Variants in PRKN observed in about 807,000 individuals in gnomAD.
PRKN encodes the protein parkin RBR E3 ubiquitin protein ligase.
PRKN carries 56 observed loss-of-function variants against 59.5 expected under a neutral mutation model. That is an observed-to-expected ratio of 0.94 (90% confidence interval 0.76 to 1.18). The LOEUF is 1.18. Ranked by LOEUF, PRKN falls within the 50% of genes most tolerant of loss-of-function variation. PRKN has a pLI of 0.00. For missense variants in PRKN, 657 were observed against 596.4 expected, an observed-to-expected ratio of 1.10 and a Z score of -1.06; for synonymous variants, 250 against 222.1, an observed-to-expected ratio of 1.13 and a Z score of -1.12.
rs1279224838 is a variant in PRKN at position 161,581,573 on chromosome 6, C to T, written c.872-12157G>A. 7.9e-5 allele frequency among the ~76,000 whole-genome samples: 12 copies of T among 152,126 alleles called. No homozygotes were observed. The highest frequency in any genetic ancestry group is 7.9e-4 in the Admixed American group (12 of 15,282). On this transcript the variant is annotated intron_variant, in intron 7 of 11. Transcript: ENST00000366898. The surrounding 1 kb of genome is among the most constrained non-coding windows in gnomAD (Gnocchi z 4.5). The stretch of plus-strand genomic sequence containing the variant: ...TCTGAGGTTTGAGTCACTGGACAAT[C>T]AGAAGCAAAGACTTACTTATGGACA...
intron 4 of PRKN, among the ~76,000 whole-genome samples, chr6:162,094,218 G>A (rs1213833796): frequency 2.6e-5 from 4 of 152,164 alleles, no homozygotes; most frequent in African/African-American, 9.7e-5. Flanking sequence ...GGCTGGGTGT[G>A]GTGGTTCATG....
Position 161,414,726 on chromosome 6 carries a change from A to G in PRKN, c.1084-27849T>C, listed in dbSNP as rs1017408812. 6.6e-6 allele frequency among the ~76,000 whole-genome samples: 1 copy of G among 152,208 alleles called. No homozygotes were observed. Among genetic ancestry groups the G allele is most frequent in the Admixed American group, 6.5e-5 (1 of 15,292 alleles). On this transcript the variant is annotated intron_variant, in intron 9 of 11. Coordinates refer to ENST00000366898, the MANE Select transcript of PRKN (RefSeq NM_004562.3). This position sits in a 1 kb window ranked among gnomAD's most constrained non-coding sequence, Gnocchi z 5.3. ...TTTTCCTGATGAAGCCCCAAAGTGC[A>G]AAAGGCATGAAAGGCACATTATGCT... is the stretch of plus-strand genomic sequence containing the variant.
chr6:161,758,455 C>G (rs902089856), intron 7 of PRKN, among the ~76,000 whole-genome samples: 2 of 151,968 alleles, frequency 1.3e-5, no homozygotes, highest in African/African-American at 2.4e-5. Context: ...TTTGCTGTAT[C>G]AAAGAAATCC....
chr6:161,719,459 T>C (rs2128184820), intron 7 of PRKN, among the ~76,000 whole-genome samples: 1 of 152,284 alleles, frequency 6.6e-6, no homozygotes, highest in East Asian at 1.9e-4. Flanking sequence ...ACAACACCTT[T>C]GTACCACAAA....
intron 2 of PRKN, among the ~76,000 whole-genome samples, chr6:162,296,930 T>G (rs1433996695): frequency 6.6e-6 from 1 of 152,008 alleles, no homozygotes; most frequent in Non-Finnish European, 1.5e-5. Context: ...GAATAAAATC[T>G]GAAAAATAAA....
At position 161,550,496 on chromosome 6, in the gene PRKN, T is replaced by G. The variant is rs555856662; in HGVS notation, c.934-1493A>C. The stretch of plus-strand genomic sequence containing the variant: ...TAAGCTAGGAGCTTATGTCAACATC[T>G]ATGCAAAAGATGGCACTGGCTTGAA... On this transcript the variant is annotated intron_variant, in intron 8 of 11. Coordinates refer to ENST00000366898, the MANE Select transcript of PRKN (RefSeq NM_004562.3). The surrounding 1 kb of genome is among the most constrained non-coding windows in gnomAD (Gnocchi z 4.0). 6.6e-6 allele frequency among the ~76,000 whole-genome samples: 1 copy of G among 152,256 alleles called. No individual in the cohort carries two copies. Among genetic ancestry groups the G allele is most frequent in the South Asian group, 2.1e-4 (1 of 4,830 alleles).
intron 6 of PRKN, among the ~76,000 whole-genome samples, chr6:161,895,265 T>G (rs748692075): frequency 2.0e-5 from 3 of 152,156 alleles, no homozygotes; most frequent in Non-Finnish European, 4.4e-5. Flanking sequence ...ATTTCTCTCT[T>G]TTCCCCTCTG....
intron 7 of PRKN, among the ~76,000 whole-genome samples, chr6:161,636,094 AGGC>A (rs2128156583): frequency 6.6e-6 from 1 of 152,306 alleles, no homozygotes; most frequent in South Asian, 2.1e-4. Context: ...CACTATGAGC[AGGC>A]CGTTGTGCTG....
chr6:162,597,937 C>T (rs1396877437), intron 1 of PRKN, among the ~76,000 whole-genome samples: 1 of 151,990 alleles, frequency 6.6e-6, no homozygotes, highest in Non-Finnish European at 1.5e-5. Flanking sequence ...TAATTTTCAT[C>T]TAGAATTATA....
chr6:162,464,659 CAAAAAAAA>C (rs1164797005), intron 1 of PRKN, among the ~76,000 whole-genome samples: 1 of 79,922 alleles, frequency 1.3e-5, no homozygotes, highest in Non-Finnish European at 2.6e-5. Context: ...ACTAAAAATA[CAAAAAAAA>C]AAAAAAAAAA....
chr6:162,021,051 C>T (rs542724507), intron 5 of PRKN, among the ~76,000 whole-genome samples: 1 of 143,176 alleles, frequency 7.0e-6, no homozygotes, highest in Admixed American at 7.2e-5. Flanking sequence ...TGCAGTGAGT[C>T]GAGATCATAC....
chr6:162,285,470 G>A (rs989014574), intron 2 of PRKN, among the ~76,000 whole-genome samples: 1 of 151,908 alleles, frequency 6.6e-6, no homozygotes, highest in Non-Finnish European at 1.5e-5. Flanking sequence ...ATGACATGGG[G>A]TTATTCATTT....
chr6:161,568,405 A>T (rs2115477264), intron 8 of PRKN, among the ~76,000 whole-genome samples: 1 of 152,306 alleles, frequency 6.6e-6, no homozygotes, highest in African/African-American at 2.4e-5. Context: ...CATCCTGGCT[A>T]ACACGGTGAA....
intron 6 of PRKN, among the ~76,000 whole-genome samples, chr6:161,795,228 CTTTTTT>C (rs58319044): frequency 1.6e-5 from 2 of 128,420 alleles, no homozygotes; most frequent in South Asian, 5.0e-4. Flanking sequence ...GTTTTCTTTT[CTTTTTT>C]TTTTTTTTTC....
rs185397659 is a variant in PRKN at position 161,951,532 on chromosome 6, T to A, written c.734+21770A>T. Among the ~76,000 whole-genome samples the A allele has an allele frequency of 1.2e-3, 184 of 152,302 alleles. 2 individuals are homozygous for A. Among genetic ancestry groups the A allele is most frequent in the Non-Finnish European group, 1.5e-3 (103 of 68,028 alleles). ...TCAGATCTGAGCAGCAAGCTTGTAA[T>A]GTGGAATAGACAAGCTCAAAACCTT... On this transcript the variant is annotated intron_variant, in intron 6 of 11. Coordinates refer to ENST00000366898, the MANE Select transcript of PRKN (RefSeq NM_004562.3).
At chr6:161,535,108 A>C (rs183269305) in intron 9 of PRKN, among the ~76,000 whole-genome samples, 1 of 152,214 alleles carries the variant, frequency 6.6e-6, no homozygotes, top group Non-Finnish European at 1.5e-5. Context: ...TGTAAATGTC[A>C]ATCGAACTAG....
chr6:161,783,088 T>C (rs1207204875), intron 7 of PRKN, among the ~76,000 whole-genome samples: 1 of 152,132 alleles, frequency 6.6e-6, no homozygotes, highest in Non-Finnish European at 1.5e-5. Context: ...GATACTGTAA[T>C]ACTGATACTG....
At chr6:162,186,518 C>A (rs1418442364) in intron 4 of PRKN, among the ~76,000 whole-genome samples, 2 of 152,054 alleles carry the variant, frequency 1.3e-5, no homozygotes, top group Non-Finnish European at 2.9e-5. Flanking sequence ...TGGAAAGACT[C>A]CACTCAGAGA....
At chr6:162,588,639 C>T (rs550954363) in intron 1 of PRKN, among the ~76,000 whole-genome samples, 3 of 152,246 alleles carry the variant, frequency 2.0e-5, no homozygotes, top group African/African-American at 4.8e-5. Flanking sequence ...GCAACCTCCA[C>T]CTCCCAGGTT....
Sources: allele counts gnomAD v4.1 joint callset (sites outside exome capture counted in the v4.1 genomes callset), GRCh38; gene constraint gnomAD v4.1.1; non-coding constraint Gnocchi (gnomAD v3.1); transcripts MANE v1.5; gene names NCBI Gene and HGNC (gene_info 2026-07-23, HGNC 2026-07-21).